The following AGMO variants were observed in gnomAD, a reference collection of about 807,000 sequenced individuals.
The protein encoded by AGMO is alkylglycerol monooxygenase, also known as glyceryl-ether monooxygenase.
In AGMO, 75 loss-of-function variants were observed where a neutral mutation model predicts 60.2. That is an observed-to-expected ratio of 1.25 (90% CI 1.03 to 1.51). The LOEUF (loss-of-function observed/expected upper bound fraction) is 1.51, where lower values mean the gene tolerates loss of function less well. AGMO is among the 40% of genes most tolerant of loss of function. The pLI is 0.00. For synonymous variants in AGMO, 261 were observed against 177.1 expected (o/e 1.47, Z -3.76); for missense variants, 763 against 525.5 (o/e 1.45, Z -4.42).
rs1420696152 is a variant in AGMO at position 15,555,290 on chromosome 7, T to TAC, written c.257+4850_257+4851insGT. On this transcript the variant is annotated intron_variant, in intron 2 of 12. Coordinates refer to ENST00000342526, the MANE Select transcript of AGMO (RefSeq NM_001004320.2). ...TGGATCATATATATATATATATATA[T>TAC]ATACACACACACACACACACACACA... 6.9e-3 allele frequency among the ~76,000 whole-genome samples: 711 copies of TAC among 103,542 alleles called. 2 individuals are homozygous for TAC. The highest frequency in any genetic ancestry group is 0.013 in the East Asian group (51 of 3,910). The allele number at this position is 103,542 out of a possible 152,430, so 67.9% of individuals were successfully genotyped here.
intron 10 of AGMO, among the ~76,000 whole-genome samples, chr7:15,378,335 A>C (rs1413255309): frequency 6.6e-6 from 1 of 152,094 alleles, no homozygotes; most frequent in African/African-American, 2.4e-5. Flanking sequence ...GGACAACACC[A>C]ATCATTAAAG....
intron 12 of AGMO, among the ~76,000 whole-genome samples, chr7:15,202,833 A>G (rs1781334493): frequency 6.6e-6 from 1 of 152,144 alleles, no homozygotes; most frequent in Non-Finnish European, 1.5e-5. Context: ...AGGTAAAATA[A>G]TACTGCGCTG....
chr7:15,435,388 C>T (rs773383990), intron 3 of AGMO, among the ~76,000 whole-genome samples: 23 of 151,426 alleles, frequency 1.5e-4, no homozygotes, highest in South Asian at 6.3e-4. Flanking sequence ...CACCTGACAT[C>T]ATTAATTTTA....
intron 4 of AGMO, among the ~76,000 whole-genome samples, chr7:15,426,570 A>C (rs1219616237): frequency 3.9e-5 from 6 of 151,986 alleles, no homozygotes; most frequent in Non-Finnish European, 8.8e-5. Context: ...GCAACATGGC[A>C]AAACCCTGTC....
chr7:15,202,284 T>A (rs895632076), intron 12 of AGMO, among the ~76,000 whole-genome samples: 1 of 151,830 alleles, frequency 6.6e-6, no homozygotes. Context: ...AGAGAGAACA[T>A]TTAATTAAGA....
At chr7:15,126,837 A>G in the AGMO span, among the ~76,000 whole-genome samples, 1 of 152,066 alleles carries the variant, frequency 6.6e-6, no homozygotes, top group Non-Finnish European at 1.5e-5. Flanking sequence ...GGAATAATCA[A>G]CTAAGAGCCA....
chr7:15,157,675 G>T, the AGMO span, among the ~76,000 whole-genome samples: 3 of 152,182 alleles, frequency 2.0e-5, no homozygotes, highest in Non-Finnish European at 4.4e-5. Context: ...TGGCTTTCCA[G>T]ATTATCTGCA....
At chr7:15,192,641 C>T in the AGMO span, among the ~76,000 whole-genome samples, 2 of 152,166 alleles carry the variant, frequency 1.3e-5, no homozygotes, top group African/African-American at 4.8e-5. Context: ...TGACTCTCCA[C>T]TGAGCTGATT....
chr7:15,532,225 T>A (rs186109945), intron 3 of AGMO, among the ~76,000 whole-genome samples: 16 of 152,332 alleles, frequency 1.1e-4, no homozygotes, highest in Admixed American at 9.8e-4. Context: ...TTTATATATG[T>A]CACCATGATC....
intron 12 of AGMO, among the ~76,000 whole-genome samples, chr7:15,364,053 G>T (rs1297246867): frequency 6.6e-6 from 1 of 151,800 alleles, no homozygotes; most frequent in South Asian, 2.1e-4. Flanking sequence ...CTGTAATGCA[G>T]AATATATTAA....
At chr7:15,385,318 G>C (rs1378922389) in intron 10 of AGMO, 128 bp downstream of exon 10, 3 of 602,616 alleles carry the variant, frequency 5.0e-6, no homozygotes, top group Non-Finnish European at 5.7e-6. Flanking sequence ...TTAAATGTGA[G>C]ACGTTGCCAA....
the AGMO span, among the ~76,000 whole-genome samples, chr7:15,161,404 A>ATC: frequency 2.7e-5 from 4 of 150,436 alleles, no homozygotes; most frequent in African/African-American, 9.7e-5. Flanking sequence ...AAATCTCTCT[A>ATC]TCTCTCTCTC....
At chr7:15,170,540 C>T in the AGMO span, among the ~76,000 whole-genome samples, 2 of 151,866 alleles carry the variant, frequency 1.3e-5, no homozygotes, top group African/African-American at 4.8e-5. Flanking sequence ...CTAACCAAGG[C>T]TTATATTTAT....
intron 3 of AGMO, among the ~76,000 whole-genome samples, chr7:15,486,430 C>T (rs1335021803): frequency 6.6e-6 from 1 of 152,176 alleles, no homozygotes; most frequent in Non-Finnish European, 1.5e-5. Flanking sequence ...AACACGAACA[C>T]ATGCAGATTT....
the AGMO span, among the ~76,000 whole-genome samples, chr7:15,190,862 A>T: frequency 6.6e-6 from 1 of 152,048 alleles, no homozygotes. Context: ...CTGAAGAACC[A>T]AAGGAAAGAA....
chr7:15,529,508 C>A (rs1296406567), intron 3 of AGMO, among the ~76,000 whole-genome samples: 3 of 117,558 alleles, frequency 2.6e-5, no homozygotes, highest in African/African-American at 9.7e-5. Context: ...AGTTCTTAGA[C>A]TAGAATCTGT....
At chr7:15,361,065 A>C (rs115752112) in intron 12 of AGMO, among the ~76,000 whole-genome samples, 3 of 152,122 alleles carry the variant, frequency 2.0e-5, no homozygotes, top group Non-Finnish European at 4.4e-5. Context: ...ATCATTTGTT[A>C]CTAAGTGATG....
intron 3 of AGMO, among the ~76,000 whole-genome samples, chr7:15,500,863 G>A (rs1326726589): frequency 3.3e-5 from 5 of 151,786 alleles, no homozygotes; most frequent in Non-Finnish European, 7.4e-5. Context: ...CCTCAGCTGC[G>A]TCTCAGAGAT....
chr7:15,377,133 T>A (rs971808445), intron 10 of AGMO, among the ~76,000 whole-genome samples: 1 of 152,114 alleles, frequency 6.6e-6, no homozygotes, highest in African/African-American at 2.4e-5. Flanking sequence ...TGGATTTTAA[T>A]GTCTTTGTAT....
Sources: gnomAD v4.1 joint callset for allele counts (sites outside exome capture counted in the v4.1 genomes callset) on GRCh38, gnomAD v4.1.1 for gene constraint, MANE v1.5 for transcripts, NCBI Gene and HGNC (gene_info 2026-07-23, HGNC 2026-07-21) for gene names.